Variants in SAMD4A observed in about 807,000 individuals in gnomAD.
SAMD4A encodes sterile alpha motif domain containing 4A.
In SAMD4A, 33 loss-of-function variants were observed where a neutral mutation model predicts 81.3. The observed-to-expected ratio is 0.41, with a 90% CI of 0.31 to 0.54. The LOEUF (loss-of-function observed/expected upper bound fraction) is 0.54. Among genes scored for constraint, SAMD4A ranks in the 20% least tolerant of loss-of-function variants. The pLI is 0.37. For missense variants in SAMD4A, 854 were observed against 951.1 expected (o/e 0.90, Z 1.34); for synonymous variants, 389 against 382.1 (o/e 1.02, Z -0.21).
At chr14:54,786,394 A>G (rs1004956839) in intron 12 of SAMD4A, among the ~76,000 whole-genome samples, 2 of 152,250 alleles carry the variant, frequency 1.3e-5, no homozygotes, top group African/African-American at 4.8e-5. Flanking sequence ...CAGCTTTGCA[A>G]ATATACTAAA....
intron 3 of SAMD4A, among the ~76,000 whole-genome samples, chr14:54,721,825 T>C (rs2037269912): frequency 6.6e-6 from 1 of 152,208 alleles, no homozygotes; most frequent in African/African-American, 2.4e-5. Flanking sequence ...GATTCTGCTG[T>C]TCTGCTTAGT....
chr14:54,630,904 T>TTA (rs199748830), intron 2 of SAMD4A, among the ~76,000 whole-genome samples: 3,604 of 76,530 alleles, frequency 0.047, 110 homozygotes, highest in African/African-American at 0.093. Flanking sequence ...ATCTTGTATT[T>TTA]TATATGTGTG....
chr14:54,644,779 A>T (rs79300320), intron 2 of SAMD4A, among the ~76,000 whole-genome samples: 8,406 of 152,296 alleles, frequency 0.055, 342 homozygotes, highest in Middle Eastern at 0.088. Context: ...AGGCAACATG[A>T]TATGATTTTT....
intron 2 of SAMD4A, among the ~76,000 whole-genome samples, chr14:54,573,457 A>C (rs2033193898): frequency 6.6e-6 from 1 of 152,228 alleles, no homozygotes; most frequent in South Asian, 2.1e-4. Context: ...GAGAATTGAC[A>C]ACACCAGAGA....
chr14:54,673,116 T>C (rs1457004072), intron 2 of SAMD4A, among the ~76,000 whole-genome samples: 1 of 51,492 alleles, frequency 1.9e-5, no homozygotes, highest in Non-Finnish European at 6.8e-5. Flanking sequence ...TTCATATTCC[T>C]CCAGTGGCTC....
chr14:54,616,856 T>A (rs2034503399), intron 2 of SAMD4A, among the ~76,000 whole-genome samples: 2 of 152,222 alleles, frequency 1.3e-5, no homozygotes, highest in East Asian at 3.8e-4. Flanking sequence ...TTTAAAGACA[T>A]GGAAAATTCC....
intron 6 of SAMD4A, among the ~76,000 whole-genome samples, chr14:54,758,412 A>T (rs2038302796): frequency 6.6e-6 from 1 of 152,238 alleles, no homozygotes; most frequent in Non-Finnish European, 1.5e-5. Flanking sequence ...AGAAATGATC[A>T]CATTTCATAT....
intron 5 of SAMD4A, among the ~76,000 whole-genome samples, chr14:54,749,623 T>C (rs2038051820): frequency 6.6e-6 from 1 of 152,208 alleles, no homozygotes; most frequent in African/African-American, 2.4e-5. Flanking sequence ...AAGGCATCTT[T>C]CCCCGATGTG....
chr14:54,639,773 T>C lies in SAMD4A; in HGVS notation c.197-62289T>C, dbSNP rs35975936. ...GCTACTTGCCTACCTCGAGCAGATG[T>C]TCTGAATGTCAAGTCAGCATTGCTT... On this transcript the variant is annotated intron_variant, in intron 2 of 12. Transcript: ENST00000554335. 1.7e-3 allele frequency among the ~76,000 whole-genome samples: 259 copies of C among 151,300 alleles called. 5 individuals carry two copies. In the East Asian group the frequency reaches 0.021, roughly 12 times the overall value.
chr14:54,713,640 C>T (rs1331099554), intron 3 of SAMD4A, among the ~76,000 whole-genome samples: 1 of 152,174 alleles, frequency 6.6e-6, no homozygotes, highest in Non-Finnish European at 1.5e-5. Flanking sequence ...TCACAGCCAG[C>T]CTTTCTGAGA....
intron 6 of SAMD4A, among the ~76,000 whole-genome samples, chr14:54,758,365 C>T (rs1268145670): frequency 1.3e-5 from 2 of 152,198 alleles, no homozygotes; most frequent in African/African-American, 4.8e-5. Context: ...CCTCAGCTTT[C>T]CTTTTTCTGA....
At chr14:54,737,368 C>T in intron 4 of SAMD4A, 81 bp downstream of exon 4, 1 of 1,541,926 alleles carries the variant, frequency 6.5e-7, no homozygotes, top group East Asian at 2.2e-5. Context: ...GAGAGGTAGT[C>T]AGCAAGAGAG....
intron 2 of SAMD4A, among the ~76,000 whole-genome samples, chr14:54,664,810 A>AACACACACACACAC (rs140875623): frequency 1.3e-4 from 18 of 141,764 alleles, no homozygotes; most frequent in African/African-American, 4.1e-4. Flanking sequence ...ATGTGAATCC[A>AACACACACACACAC]ACACACACAC....
At chr14:54,664,996 T>C (rs1005799682) in intron 2 of SAMD4A, among the ~76,000 whole-genome samples, 1 of 152,208 alleles carries the variant, frequency 6.6e-6, no homozygotes, top group Non-Finnish European at 1.5e-5. Flanking sequence ...TGTTTTAAGT[T>C]GTTTTCTGTT....
At chr14:54,771,957 G>C (rs2038717650) in intron 9 of SAMD4A, among the ~76,000 whole-genome samples, 7 of 152,218 alleles carry the variant, frequency 4.6e-5, no homozygotes, top group Admixed American at 4.6e-4. Context: ...CCCAAGGTTT[G>C]CCAGGTTGGA....
At chr14:54,623,210 T>G (rs571527883) in intron 2 of SAMD4A, among the ~76,000 whole-genome samples, 2 of 152,188 alleles carry the variant, frequency 1.3e-5, no homozygotes, top group East Asian at 3.9e-4. Flanking sequence ...TGTGGTCCCA[T>G]GAGGCATCTC....
At chr14:54,591,182 A>G (rs1056563696) in intron 2 of SAMD4A, among the ~76,000 whole-genome samples, 1 of 152,232 alleles carries the variant, frequency 6.6e-6, no homozygotes, top group Non-Finnish European at 1.5e-5. Context: ...TGTCCTGCCC[A>G]GAATGATGGT....
chr14:54,653,365 C>G (rs904119846), intron 2 of SAMD4A, among the ~76,000 whole-genome samples: 3 of 149,150 alleles, frequency 2.0e-5, no homozygotes, highest in African/African-American at 7.4e-5. Context: ...GAGGCAGAGT[C>G]TCGCCCTGTC....
At chr14:54,675,267 G>A (rs1326311239) in intron 2 of SAMD4A, among the ~76,000 whole-genome samples, 1 of 150,286 alleles carries the variant, frequency 6.7e-6, no homozygotes, top group Non-Finnish European at 1.5e-5. Context: ...TCAGGAGGCT[G>A]AGGCAGGAGA....
Sources: gnomAD v4.1 joint callset for allele counts (sites outside exome capture counted in the v4.1 genomes callset) on GRCh38, gnomAD v4.1.1 for gene constraint, MANE v1.5 for transcripts, NCBI Gene and HGNC (gene_info 2026-07-23, HGNC 2026-07-21) for gene names.